MED23: variants seen among roughly 807,000 people sequenced by gnomAD.
The protein encoded by MED23 is mediator of RNA polymerase II transcription subunit 23.
MED23 carries 105 observed loss-of-function variants against 163.9 expected under a neutral mutation model. The ratio of observed to expected loss-of-function variants is 0.64; its 90% CI spans 0.55 to 0.75. The LOEUF (loss-of-function observed/expected upper bound fraction) is 0.75. Ranked by LOEUF, MED23 falls within the 30% of genes least tolerant of loss-of-function variation. The pLI is 0.00. For synonymous variants in MED23, 561 were observed against 565.6 expected (o/e 0.99, Z 0.12); for missense variants, 1,054 against 1,649.0 (o/e 0.64, Z 6.25).
chr6:131,596,487 G>A (rs762813257), intron 21 of MED23, 31 bp downstream of exon 21: 4 of 1,610,102 alleles, frequency 2.5e-6, no homozygotes, highest in Non-Finnish European at 3.4e-6. Flanking sequence ...GCTTTAAAAG[G>A]ACTATTTGAA....
chr6:131,615,472 G>T, intron 10 of MED23: 3 of 321,632 alleles, frequency 9.3e-6, no homozygotes, highest in Non-Finnish European at 1.2e-5. Context: ...CCTCCCACAT[G>T]TTAAACCACC....
At chr6:131,578,041 T>C (rs553287848) in intron 30 of MED23, among the ~76,000 whole-genome samples, 1 of 151,834 alleles carries the variant, frequency 6.6e-6, no homozygotes, top group Admixed American at 6.6e-5. Flanking sequence ...GACAAAAGCA[T>C]AGCAAAAGAA....
chr6:131,581,043 G>T (rs1182856043), intron 30 of MED23, among the ~76,000 whole-genome samples: 2 of 152,188 alleles, frequency 1.3e-5, no homozygotes, highest in Non-Finnish European at 2.9e-5. Context: ...TGAGCATTAA[G>T]TGTAAGTTAT....
At chr6:131,596,271 T>A in intron 21 of MED23, 108 bp from the exon 22 acceptor site, 2 of 1,064,264 alleles carry the variant, frequency 1.9e-6, no homozygotes, top group Non-Finnish European at 2.8e-6. Flanking sequence ...AGGAAACATT[T>A]AAAATTATAC....
At chr6:131,582,497 T>G (rs972480854), downstream of MED23, 1 of 766,876 alleles carries the variant, frequency 1.3e-6, no homozygotes, top group Admixed American at 2.1e-5. Context: ...TATTTTTACA[T>G]GATTTCTTCT....
intron 30 of MED23, among the ~76,000 whole-genome samples, chr6:131,576,358 G>A (rs1378050534): frequency 6.6e-6 from 1 of 152,206 alleles, no homozygotes; most frequent in Non-Finnish European, 1.5e-5. Flanking sequence ...TGGTTTGACG[G>A]GAAGAGGGGA....
chr6:131,603,326 C>T (rs1309746108), intron 15 of MED23, 122 bp from the exon 16 acceptor site: 1 of 885,514 alleles, frequency 1.1e-6, no homozygotes, highest in African/African-American at 1.7e-5. Flanking sequence ...CGCCCACACA[C>T]ATATATATTC....
intron 10 of MED23, among the ~76,000 whole-genome samples, chr6:131,614,757 A>C (rs1010703203): frequency 9.9e-5 from 15 of 152,146 alleles, no homozygotes; most frequent in Admixed American, 2.0e-4. Context: ...TTCCTGTATA[A>C]AGTTTACCAC....
At chr6:131,582,687 G>T, downstream of MED23, 1 of 1,613,776 alleles carries the variant, frequency 6.2e-7, no homozygotes, top group Non-Finnish European at 8.5e-7. Context: ...TGTGTATATT[G>T]GCTTGAGAGA....
chr6:131,584,574 C>A (rs533096754), downstream of MED23, among the ~76,000 whole-genome samples: 2 of 152,174 alleles, frequency 1.3e-5, no homozygotes, highest in East Asian at 3.9e-4. Flanking sequence ...TAGGTTTGGG[C>A]AATCTACAAG....
At chr6:131,582,760 T>C, downstream of MED23, 2 of 1,552,230 alleles carry the variant, frequency 1.3e-6, no homozygotes, top group Non-Finnish European at 1.8e-6. Flanking sequence ...TTTGTCCCTT[T>C]GTGTGCTAGA....
Position 131,598,940 on chromosome 6 carries a change from A to G in MED23, c.2221-179T>C, listed in dbSNP as rs546062766. Among the ~76,000 whole-genome samples, 1 of 152,328 alleles carries G rather than the reference A, an allele frequency of 6.6e-6. No individual in the cohort carries two copies. Among genetic ancestry groups the G allele is most frequent in the East Asian group, 1.9e-4 (1 of 5,190 alleles). On this transcript the variant is annotated intron_variant, in intron 18 of 28. Coordinates refer to ENST00000368068, the MANE Select transcript of MED23 (RefSeq NM_004830.4). The surrounding 1 kb of genome is among the most constrained non-coding windows in gnomAD (Gnocchi z 4.7). ...GAAAATACATAAGCTTGACTAGATT[A>G]TCTCCAAGATTCCTTTTCCTAGATT...
At chr6:131,579,327 G>A (rs1375986890) in intron 30 of MED23, 2 of 1,605,538 alleles carry the variant, frequency 1.2e-6, no homozygotes, top group Non-Finnish European at 8.5e-7. Flanking sequence ...TGGCACAAAG[G>A]AAGTAACCAA....
intron 3 of MED23, among the ~76,000 whole-genome samples, chr6:131,626,746 A>G (rs868053243): frequency 6.6e-6 from 1 of 152,244 alleles, no homozygotes; most frequent in South Asian, 2.1e-4. Context: ...CTGTATTGGC[A>G]TTATATGATC....
intron 11 of MED23, 74 bp from the exon 12 acceptor site, chr6:131,608,145 T>C (rs549993519): frequency 3.3e-6 from 5 of 1,532,916 alleles, no homozygotes; most frequent in Admixed American, 1.7e-5. Context: ...TTTGTTGTTT[T>C]TTTGTTTTTG....
intron 10 of MED23, among the ~76,000 whole-genome samples, chr6:131,611,208 T>C (rs771860344): frequency 3.8e-4 from 58 of 152,074 alleles, no homozygotes; most frequent in Non-Finnish European, 8.8e-5. Context: ...AAAAGGGATA[T>C]GATTTTTTCA....
At chr6:131,616,186 C>T (rs1776676165) in intron 9 of MED23, among the ~76,000 whole-genome samples, 184 bp from the exon 10 acceptor site, 1 of 152,022 alleles carries the variant, frequency 6.6e-6, no homozygotes, top group Non-Finnish European at 1.5e-5. Flanking sequence ...CCCTCATTTG[C>T]CTCATTTGAC....
In MED23 at chr6:131,603,606, A is replaced by C. The variant is rs79187133; in HGVS notation, c.1757-402T>G. Among the ~76,000 whole-genome samples the C allele has an allele frequency of 7.9e-3, 1,202 of 152,282 alleles. 13 individuals carry two copies. Among genetic ancestry groups the C allele is most frequent in the Non-Finnish European group, 0.012 (786 of 68,014 alleles). ...CCTGCCCTTGTTTCCTCCTACCCCCAAGAAAGTTTTGTTCAACAATCAGTT... is the reference window on the plus strand; with the variant it reads ...CCTGCCCTTGTTTCCTCCTACCCCCCAGAAAGTTTTGTTCAACAATCAGTT... On this transcript the variant is annotated intron_variant, in intron 15 of 28. Transcript: ENST00000368068.
At chr6:131,593,712 TTTA>T (rs1774825198) in intron 23 of MED23, among the ~76,000 whole-genome samples, 1 of 151,196 alleles carries the variant, frequency 6.6e-6, no homozygotes, top group Non-Finnish European at 1.5e-5. Flanking sequence ...TATTTTATCA[TTTA>T]TTATTTACTA....
Sources: allele counts gnomAD v4.1 joint callset (sites outside exome capture counted in the v4.1 genomes callset), GRCh38; gene constraint gnomAD v4.1.1; non-coding constraint Gnocchi (gnomAD v3.1); transcripts MANE v1.5; gene names NCBI Gene and HGNC (gene_info 2026-07-23, HGNC 2026-07-21).